Variants in MKLN1 observed in about 807,000 individuals in gnomAD.
MKLN1 encodes the protein muskelin.
In MKLN1, 18 loss-of-function variants were observed where a neutral mutation model predicts 99.0. The ratio of observed to expected loss-of-function variants is 0.18; its 90% CI spans 0.13 to 0.27. The LOEUF (loss-of-function observed/expected upper bound fraction) is 0.27. Ranked by LOEUF, MKLN1 falls within the 10% of genes least tolerant of loss-of-function variation. MKLN1 has a pLI of 1.00. For missense variants in MKLN1, 621 were observed against 875.9 expected, an observed-to-expected ratio of 0.71 and a Z score of 3.67; for synonymous variants, 288 against 293.2, an observed-to-expected ratio of 0.98 and a Z score of 0.18.
chr7:131,271,776 G>C (rs1385633129), intron 3 of MKLN1, among the ~76,000 whole-genome samples: 3 of 152,008 alleles, frequency 2.0e-5, no homozygotes, highest in Non-Finnish European at 4.4e-5. Flanking sequence ...AGGTGTGGTG[G>C]TGCGCACCTG....
chr7:131,289,832 C>T (rs1798190931), intron 3 of MKLN1, among the ~76,000 whole-genome samples: 1 of 152,128 alleles, frequency 6.6e-6, no homozygotes, highest in Non-Finnish European at 1.5e-5. Context: ...AATATTTCCC[C>T]CCATTCACTA....
At chr7:131,298,960 T>G (rs1478337103) in intron 3 of MKLN1, among the ~76,000 whole-genome samples, 2 of 152,168 alleles carry the variant, frequency 1.3e-5, no homozygotes, top group African/African-American at 2.4e-5. Context: ...GGAGGAGCGC[T>G]TCATGCCAGG....
chr7:131,235,592 G>A (rs1797309226), intron 3 of MKLN1, among the ~76,000 whole-genome samples: 1 of 152,132 alleles, frequency 6.6e-6, no homozygotes, highest in Non-Finnish European at 1.5e-5. Flanking sequence ...TCTACATTCC[G>A]GAAAGGAAAA....
intron 3 of MKLN1, among the ~76,000 whole-genome samples, chr7:131,314,796 G>A (rs892368531): frequency 6.6e-6 from 1 of 152,140 alleles, no homozygotes; most frequent in South Asian, 2.1e-4. Flanking sequence ...TAGAAACAGG[G>A]TGTTGCTCTG....
intron 3 of MKLN1, among the ~76,000 whole-genome samples, chr7:131,243,843 G>A (rs757154796): frequency 4.6e-5 from 7 of 151,992 alleles, no homozygotes; most frequent in African/African-American, 1.2e-4. Context: ...GTGAAACCCC[G>A]TCTCTACTAA....
chr7:131,420,946 C>T (rs929692800), intron 8 of MKLN1, among the ~76,000 whole-genome samples: 1 of 152,134 alleles, frequency 6.6e-6, no homozygotes, highest in African/African-American at 2.4e-5. Flanking sequence ...ATAAGTAGAT[C>T]AGGTTATTAT....
chr7:131,197,302 C>T (rs1186265729), intron 2 of MKLN1, among the ~76,000 whole-genome samples: 4 of 151,612 alleles, frequency 2.6e-5, no homozygotes, highest in Non-Finnish European at 2.9e-5. Flanking sequence ...CTCTTGGGCT[C>T]GAGCAATCCT....
chr7:131,283,783 G>T (rs1461030119), intron 3 of MKLN1, among the ~76,000 whole-genome samples: 2 of 152,142 alleles, frequency 1.3e-5, no homozygotes, highest in Admixed American at 6.5e-5. Flanking sequence ...CCAATCTGTT[G>T]AAGACTGTGA....
intron 3 of MKLN1, among the ~76,000 whole-genome samples, chr7:131,272,439 T>C (rs1389598784): frequency 6.6e-6 from 1 of 152,064 alleles, no homozygotes; most frequent in Non-Finnish European, 1.5e-5. Context: ...AAGAATAAAA[T>C]ATGTGACTGG....
At chr7:131,313,490 A>G (rs1297409537) in intron 3 of MKLN1, among the ~76,000 whole-genome samples, 1 of 152,234 alleles carries the variant, frequency 6.6e-6, no homozygotes, top group Non-Finnish European at 1.5e-5. Flanking sequence ...GTTGGATTCA[A>G]ACTGTACCTT....
intron 2 of MKLN1, among the ~76,000 whole-genome samples, chr7:131,154,016 CA>C (rs1667713169): frequency 1.3e-5 from 2 of 151,514 alleles, no homozygotes; most frequent in Admixed American, 6.6e-5. Context: ...GGATATATTA[CA>C]AAAAAATGGG....
At chr7:131,382,822 C>T (rs1793891991) in intron 2 of MKLN1, among the ~76,000 whole-genome samples, 1 of 151,866 alleles carries the variant, frequency 6.6e-6, no homozygotes, top group Non-Finnish European at 1.5e-5. Context: ...CCCATAGGTT[C>T]ATGCCATTCT....
At chr7:131,169,758 A>G (rs1039138843) in intron 2 of MKLN1, among the ~76,000 whole-genome samples, 4 of 152,230 alleles carry the variant, frequency 2.6e-5, no homozygotes, top group Non-Finnish European at 5.9e-5. Flanking sequence ...TTTCCATTTA[A>G]TAACTCATTT....
At chr7:131,229,372 T>C (rs1268308286) in intron 3 of MKLN1, among the ~76,000 whole-genome samples, 1 of 149,700 alleles carries the variant, frequency 6.7e-6, no homozygotes, top group Non-Finnish European at 1.5e-5. Flanking sequence ...CCACACCCGA[T>C]TGGTTGAGAG....
chr7:131,427,715 G>C (rs1286532146), intron 8 of MKLN1, among the ~76,000 whole-genome samples: 1 of 151,924 alleles, frequency 6.6e-6, no homozygotes, highest in African/African-American at 2.4e-5. Context: ...CACCACACCT[G>C]CCTAATTTTT....
At chr7:131,433,377 A>C (rs1053848709) in intron 9 of MKLN1, among the ~76,000 whole-genome samples, 3 of 152,208 alleles carry the variant, frequency 2.0e-5, no homozygotes, top group African/African-American at 7.2e-5. Flanking sequence ...AGTTTGTCTG[A>C]TATTAGCTTC....
At chr7:131,146,047 C>T (rs1404656881) in intron 2 of MKLN1, among the ~76,000 whole-genome samples, 1 of 152,150 alleles carries the variant, frequency 6.6e-6, no homozygotes, top group Non-Finnish European at 1.5e-5. Context: ...TACATCAATC[C>T]CACTAGCTCA....
At chr7:131,197,843 TG>T (rs937002182) in intron 2 of MKLN1, among the ~76,000 whole-genome samples, 32 of 151,974 alleles carry the variant, frequency 2.1e-4, no homozygotes, top group African/African-American at 4.3e-4. Context: ...AAAATCAGCA[TG>T]TTTTTTTTTT....
chr7:131,414,701 G>A lies in MKLN1; in HGVS notation c.838G>A (p.Val280Ile), dbSNP rs1424098772. The A allele has an allele frequency of 1.2e-6, 2 of 1,600,140 alleles. No individual in the cohort carries two copies. Among genetic ancestry groups the A allele is most frequent in the Non-Finnish European group, 8.5e-7 (1 of 1,173,606 alleles). The part of the protein sequence containing the change: ...MRGGHQMVID[V>I]QTETVYLFGG... ...AGGAGGCCATCAGATGGTTATTGAT[G>A]TTCAAACAGGTGAGTAGCAGTTGCA... The change falls in exon 8 of 18, where the codon GTT (valine) becomes ATT (isoleucine). Residue 280 changes from valine (V) to isoleucine (I), a missense_variant. By Grantham distance (29) the Val-to-Ile change is conservative. This residue lies in a region of MKLN1 where 361 missense variants were observed against 540.8 expected (regional missense o/e 0.67). Coordinates refer to ENST00000352689, the MANE Select transcript of MKLN1 (RefSeq NM_013255.5).
Sources: allele counts gnomAD v4.1 joint callset (sites outside exome capture counted in the v4.1 genomes callset), GRCh38; gene constraint gnomAD v4.1.1; regional missense constraint gnomAD v4.1.1; transcripts MANE v1.5; gene names NCBI Gene and HGNC (gene_info 2026-07-23, HGNC 2026-07-21).